BICC1: variants seen among roughly 807,000 people sequenced by gnomAD.
BICC1 encodes the protein protein bicaudal C homolog 1.
Under a neutral mutation model 111.0 loss-of-function variants are expected in BICC1, and 43 were observed. The observed-to-expected ratio is 0.39, with a 90% CI of 0.30 to 0.50. The LOEUF (loss-of-function observed/expected upper bound fraction) is 0.50, where lower values mean the gene tolerates loss of function less well. Among genes scored for constraint, BICC1 ranks in the 20% least tolerant of loss-of-function variants. The pLI, the probability that BICC1 is intolerant of heterozygous loss-of-function variation, is 0.88. For synonymous variants in BICC1, 467 were observed against 434.4 expected (o/e 1.07, Z -0.93); for missense variants, 1,091 against 1,203.2 (o/e 0.91, Z 1.38).
At chr10:58,739,541 A>AT (rs535923085) in intron 3 of BICC1, among the ~76,000 whole-genome samples, 387 of 3,020 alleles carry the variant, frequency 0.13, 3 homozygotes, top group African/African-American at 0.2. Flanking sequence ...ACTTTAGTTT[A>AT]ATTTTTTTTT....
intron 3 of BICC1, chr10:58,715,451 G>T: frequency 1.4e-6 from 1 of 701,754 alleles, no homozygotes; most frequent in Admixed American, 2.2e-5. Context: ...AAAATAAGCA[G>T]AGCAGAGTGG....
At chr10:58,570,685 T>TGTGCC (rs1366272419) in intron 1 of BICC1, among the ~76,000 whole-genome samples, 13 of 152,184 alleles carry the variant, frequency 8.5e-5, no homozygotes, top group African/African-American at 2.2e-4. Context: ...GCTTGCAATT[T>TGTGCC]GTGCCTAATT....
intron 1 of BICC1, among the ~76,000 whole-genome samples, chr10:58,521,755 C>T (rs536415864): frequency 5.9e-5 from 8 of 135,286 alleles, no homozygotes; most frequent in Non-Finnish European, 7.8e-5. Context: ...GAAAATCAGC[C>T]AGGGAATGTG....
At chr10:58,808,369 C>T (rs1843780979) in intron 17 of BICC1, among the ~76,000 whole-genome samples, 1 of 152,164 alleles carries the variant, frequency 6.6e-6, no homozygotes, top group Admixed American at 6.5e-5. Context: ...ACCTGATGTA[C>T]GGTATGGCTA....
chr10:58,514,321 G>A (rs1159912789), intron 1 of BICC1, among the ~76,000 whole-genome samples: 1 of 152,176 alleles, frequency 6.6e-6, no homozygotes, highest in African/African-American at 2.4e-5. Flanking sequence ...TCTCACTTAG[G>A]GCGCTGGTGA....
At chr10:58,806,362 A>G (rs1038866318) in intron 15 of BICC1, among the ~76,000 whole-genome samples, 1 of 152,112 alleles carries the variant, frequency 6.6e-6, no homozygotes, top group Admixed American at 6.5e-5. Context: ...AGTCAACCTT[A>G]AAGTCAGAAG....
At chr10:58,713,098 A>G (rs1471962262) in intron 3 of BICC1, among the ~76,000 whole-genome samples, 1 of 152,224 alleles carries the variant, frequency 6.6e-6, no homozygotes, top group African/African-American at 2.4e-5. Context: ...AACAATCAGA[A>G]GTTTTATAAA....
intron 1 of BICC1, among the ~76,000 whole-genome samples, chr10:58,615,044 C>G (rs1446498999): frequency 1.3e-5 from 2 of 151,504 alleles, no homozygotes; most frequent in African/African-American, 4.8e-5. Context: ...TATTTTTAGC[C>G]TTAGACAAAG....
At chr10:58,682,803 T>G (rs1286605397) in intron 2 of BICC1, among the ~76,000 whole-genome samples, 1 of 152,206 alleles carries the variant, frequency 6.6e-6, no homozygotes, top group Non-Finnish European at 1.5e-5. Context: ...ATAGGTAGAT[T>G]GTGAAAATTT....
chr10:58,749,941 A>G (rs1841939056), intron 3 of BICC1, among the ~76,000 whole-genome samples: 1 of 152,176 alleles, frequency 6.6e-6, no homozygotes, highest in East Asian at 1.9e-4. Flanking sequence ...ATGCACAGAC[A>G]TAATATTTGG....
intron 2 of BICC1, among the ~76,000 whole-genome samples, chr10:58,660,117 T>C (rs1024686163): frequency 1.3e-5 from 2 of 152,118 alleles, no homozygotes; most frequent in Non-Finnish European, 2.9e-5. Flanking sequence ...GGCCCTTTGC[T>C]CCAGCAGAAG....
intron 1 of BICC1, among the ~76,000 whole-genome samples, chr10:58,526,208 A>C (rs187904217): frequency 6.6e-6 from 1 of 152,018 alleles, no homozygotes; most frequent in African/African-American, 2.4e-5. Context: ...ACAGAGAAAA[A>C]AAAAAGCTGT....
chr10:58,744,716 C>T (rs1012875365), intron 3 of BICC1, among the ~76,000 whole-genome samples: 2 of 152,026 alleles, frequency 1.3e-5, no homozygotes, highest in Non-Finnish European at 2.9e-5. Context: ...ATGAGACCCC[C>T]TTTATCAAAT....
intron 19 of BICC1, among the ~76,000 whole-genome samples, chr10:58,818,152 G>C (rs760754943): frequency 2.0e-5 from 3 of 151,982 alleles, no homozygotes; most frequent in African/African-American, 7.2e-5. Context: ...ACTCATCCTG[G>C]TCATGCTGAA....
chr10:58,800,093 G>T, intron 12 of BICC1, 101 bp from the exon 13 acceptor site: 1 of 879,134 alleles, frequency 1.1e-6, no homozygotes. Flanking sequence ...TTCCAGGGTG[G>T]TTTTCTTTTT....
intron 3 of BICC1, among the ~76,000 whole-genome samples, chr10:58,727,332 G>T (rs1418301956): frequency 6.6e-6 from 1 of 152,050 alleles, no homozygotes; most frequent in Non-Finnish European, 1.5e-5. Context: ...CATGCCTATA[G>T]TCCCAGTACT....
chr10:58,542,318 C>T (rs1293630043), intron 1 of BICC1, among the ~76,000 whole-genome samples: 2 of 151,796 alleles, frequency 1.3e-5, no homozygotes. Flanking sequence ...GTTGGAAAAA[C>T]TGGATATTGG....
At chr10:58,615,537 G>C (rs1354077090) in intron 1 of BICC1, among the ~76,000 whole-genome samples, 2 of 152,182 alleles carry the variant, frequency 1.3e-5, no homozygotes, top group African/African-American at 4.8e-5. Flanking sequence ...ACTACATGCA[G>C]CTTGTGCCCC....
At position 58,581,017 on chromosome 10, in the gene BICC1, G is replaced by A. The variant is rs77857555; in HGVS notation, c.191-39838G>A. On this transcript the variant is annotated intron_variant, in intron 1 of 20. Coordinates refer to ENST00000373886, the MANE Select transcript of BICC1 (RefSeq NM_001080512.3). Reference sequence around the variant, plus strand: ...TCAGGTTTTGAAGTTATTTGTGTGTGAAAACTTACTAGATATGTCTAAGAA... The same window carrying A: ...TCAGGTTTTGAAGTTATTTGTGTGTAAAAACTTACTAGATATGTCTAAGAA... Among the ~76,000 whole-genome samples, 170 of 152,220 alleles carry A rather than the reference G, an allele frequency of 1.1e-3. 2 individuals are homozygous for A. The East Asian group carries it at 0.028, about 25-fold the overall frequency.
Sources: gnomAD v4.1 joint callset for allele counts (sites outside exome capture counted in the v4.1 genomes callset) on GRCh38, gnomAD v4.1.1 for gene constraint, MANE v1.5 for transcripts, NCBI Gene and HGNC (gene_info 2026-07-23, HGNC 2026-07-21) for gene names.